The following BIN1 variants were observed in gnomAD, a reference collection of about 807,000 sequenced individuals.
The protein encoded by BIN1 is bridging integrator 1.
BIN1 carries 53 observed loss-of-function variants against 82.0 expected under a neutral mutation model. The ratio of observed to expected loss-of-function variants is 0.65; its 90% CI spans 0.52 to 0.81. BIN1 has a LOEUF of 0.81. Among genes scored for constraint, BIN1 ranks in the 40% least tolerant of loss-of-function variants. The pLI is 0.00. For missense variants in BIN1, 642 were observed against 784.4 expected, an observed-to-expected ratio of 0.82 and a Z score of 2.17; for synonymous variants, 302 against 328.0, an observed-to-expected ratio of 0.92 and a Z score of 0.86.
In BIN1 at chr2:127,093,675, G is replaced by T. The variant is rs975451889; in HGVS notation, c.84+13185C>A. Among the ~76,000 whole-genome samples the T allele has an allele frequency of 6.6e-6, 1 of 152,172 alleles. No homozygotes were observed. Among genetic ancestry groups the T allele is most frequent in the East Asian group, 1.9e-4 (1 of 5,192 alleles). On this transcript the variant is annotated intron_variant, in intron 1 of 18. Coordinates refer to ENST00000316724, the MANE Select transcript of BIN1 (RefSeq NM_139343.3). This position sits in a 1 kb window ranked among gnomAD's most constrained non-coding sequence, Gnocchi z 5.7. ...GGTCCTTGCATCTTCATCGTTGAAG[G>T]CTCCCGTGTCATGTAAAACATTGAT...
chr2:127,050,100 G>A (rs777274076), intron 18 of BIN1, among the ~76,000 whole-genome samples: 4 of 152,220 alleles, frequency 2.6e-5, no homozygotes, highest in African/African-American at 4.8e-5. Flanking sequence ...CAGGAGAGGA[G>A]AAGGGGAGAG....
Position 127,090,409 on chromosome 2 carries a change from C to T in BIN1, c.85-13703G>A, listed in dbSNP as rs1351711268. On this transcript the variant is annotated intron_variant, in intron 1 of 18. Coordinates refer to ENST00000316724, the MANE Select transcript of BIN1 (RefSeq NM_139343.3). This position sits in a 1 kb window ranked among gnomAD's most constrained non-coding sequence, Gnocchi z 6.4. ...GCATCAGTGACACAGGGCGACCCTC[C>T]ACCACTTCAGTTGTGCTGGGTGGGG... is the stretch of plus-strand genomic sequence containing the variant. 5.9e-5 allele frequency among the ~76,000 whole-genome samples: 9 copies of T among 152,238 alleles called. No individual in the cohort carries two copies. Among genetic ancestry groups the T allele is most frequent in the Admixed American group, 2.6e-4 (4 of 15,286 alleles).
chr2:127,086,652 C>T (rs970923658), intron 1 of BIN1, among the ~76,000 whole-genome samples: 1 of 152,078 alleles, frequency 6.6e-6, no homozygotes, highest in Non-Finnish European at 1.5e-5. Flanking sequence ...GGACTACAGG[C>T]GCACGTCACC....
At chr2:127,052,774 C>G (rs1683132117) in intron 14 of BIN1, 2 of 277,956 alleles carry the variant, frequency 7.2e-6, no homozygotes, top group Non-Finnish European at 1.4e-5. Context: ...ATCAGGGGGT[C>G]TCAGGGACAG....
At position 127,068,068 on chromosome 2, in the gene BIN1, G is replaced by T; in HGVS notation, c.612+95C>A. Reference sequence around the variant, plus strand: ...CTTTGAAAAACCCTGCCCCAGCTGGGCTCAGATGCCAGCCCTGCATTCCAC... The same window carrying T: ...CTTTGAAAAACCCTGCCCCAGCTGGTCTCAGATGCCAGCCCTGCATTCCAC... On this transcript the variant is annotated intron_variant, in intron 7 of 18. Coordinates refer to ENST00000316724, the MANE Select transcript of BIN1 (RefSeq NM_139343.3). This position sits in a 1 kb window ranked among gnomAD's most constrained non-coding sequence, Gnocchi z 4.9. The T allele has an allele frequency of 7.7e-7, 1 of 1,296,710 alleles. No homozygotes were observed. The allele number at this position is 1,296,710 out of a possible 1,614,324, so 80.3% of individuals were successfully genotyped here. A position where few individuals can be genotyped will look rare whatever the true frequency, so the allele number is the denominator to read the frequency against.
chr2:127,074,009 G>T (rs1686263453), intron 2 of BIN1, among the ~76,000 whole-genome samples: 1 of 143,126 alleles, frequency 7.0e-6, no homozygotes, highest in East Asian at 2.1e-4. Context: ...GTGACAGCAG[G>T]CTGATCTACA....
intron 2 of BIN1, 72 bp from the exon 3 acceptor site, chr2:127,070,888 C>A: frequency 6.8e-7 from 1 of 1,477,526 alleles, no homozygotes; most frequent in Non-Finnish European, 9.3e-7. Flanking sequence ...TCCTTCCTGC[C>A]ACCCTCACGT....
chr2:127,101,354 T>C (rs1389661237), intron 1 of BIN1, among the ~76,000 whole-genome samples: 2 of 152,094 alleles, frequency 1.3e-5, no homozygotes, highest in Non-Finnish European at 1.5e-5. Context: ...CCCACCTGAC[T>C]CTCTCCACCC....
intron 16 of BIN1, 57 bp downstream of exon 16, chr2:127,051,096 CG>C (rs1682882488): frequency 1.2e-6 from 2 of 1,603,434 alleles, no homozygotes; most frequent in East Asian, 4.5e-5. Context: ...AGGGGAGCCC[CG>C]GACAGGCAGG....
At chr2:127,058,944 G>A (rs1445844545) in intron 11 of BIN1, 67 bp downstream of exon 11, 4 of 1,543,388 alleles carry the variant, frequency 2.6e-6, no homozygotes, top group African/African-American at 1.4e-5. Flanking sequence ...GGAGGATGGA[G>A]GACAACAGCA....
Position 127,048,397 on chromosome 2 carries a change from T to TG in BIN1, c.*128dup. ...ATCTTTGGGAGAACGCCCCTCTGCCTGGGGGTCTCCTCTTGATTTCCCTTT... is the reference window on the plus strand; with the variant it reads ...ATCTTTGGGAGAACGCCCCTCTGCCTGGGGGGTCTCCTCTTGATTTCCCTTT... On this transcript the variant is annotated 3_prime_UTR_variant, in exon 19 of 19. Coordinates refer to ENST00000316724, the MANE Select transcript of BIN1 (RefSeq NM_139343.3). 5.6e-6 allele frequency: 5 copies of TG among 886,290 alleles called. No individual in the cohort carries two copies. Among genetic ancestry groups the TG allele is most frequent in the Non-Finnish European group, 9.0e-6 (5 of 556,492 alleles). 54.9% of individuals were successfully genotyped at this position (886,290 alleles called of 1,614,324 possible). A position where few individuals can be genotyped will look rare whatever the true frequency, so the allele number is the denominator to read the frequency against.
intron 2 of BIN1, among the ~76,000 whole-genome samples, chr2:127,072,238 C>T (rs772522207): frequency 6.6e-6 from 1 of 152,234 alleles, no homozygotes; most frequent in Non-Finnish European, 1.5e-5. Flanking sequence ...CACAGGCTCA[C>T]CCCCAGCACC....
chr2:127,052,905 G>A (rs892395906), intron 14 of BIN1: 9 of 253,568 alleles, frequency 3.5e-5, no homozygotes, highest in African/African-American at 8.8e-5. Context: ...TGCTGTGTGA[G>A]ATGGCCTTGC....
chr2:127,082,200 TC>T lies in BIN1; in HGVS notation c.85-5495del, dbSNP rs1687387724. ...CTCGCTCACTGACTCCCGGGGGCTGTCCCTCTGTCAATCTTTCCTTGCCCCT... is the reference window on the plus strand; with the variant it reads ...CTCGCTCACTGACTCCCGGGGGCTGTCCTCTGTCAATCTTTCCTTGCCCCT... On this transcript the variant is annotated intron_variant, in intron 1 of 18. Transcript: ENST00000316724. The surrounding 1 kb of genome is among the most constrained non-coding windows in gnomAD (Gnocchi z 6.1). Among the ~76,000 whole-genome samples, 1 of 151,642 alleles carries T rather than the reference TC, an allele frequency of 6.6e-6. No individual in the cohort carries two copies.
intron 1 of BIN1, among the ~76,000 whole-genome samples, chr2:127,097,748 G>C (rs1679784933): frequency 6.6e-6 from 1 of 152,144 alleles, no homozygotes; most frequent in Non-Finnish European, 1.5e-5. Flanking sequence ...GGCAACACGT[G>C]GGGAGGGAAG....
chr2:127,069,144 G>A, intron 5 of BIN1, 113 bp from the exon 6 acceptor site: 1 of 954,368 alleles, frequency 1.0e-6, no homozygotes, highest in South Asian at 1.4e-5. Flanking sequence ...AGCTCCACAG[G>A]AACCCTTGAG....
At chr2:127,076,360 T>A (rs1184672913) in intron 2 of BIN1, among the ~76,000 whole-genome samples, 1 of 151,558 alleles carries the variant, frequency 6.6e-6, no homozygotes, top group Admixed American at 6.6e-5. Flanking sequence ...TATTGCCTGC[T>A]CCTATCCCAC....
intron 14 of BIN1, chr2:127,052,831 T>C (rs906221023): frequency 8.0e-6 from 2 of 249,618 alleles, no homozygotes; most frequent in African/African-American, 4.4e-5. Context: ...TGACCAGTTC[T>C]TGGGCAAGTA....
chr2:127,049,650 G>A (rs1682622961), intron 18 of BIN1, among the ~76,000 whole-genome samples: 1 of 152,210 alleles, frequency 6.6e-6, no homozygotes, highest in East Asian at 1.9e-4. Context: ...CTGAGCCGTG[G>A]AGGAAGCCAG....
Sources: gnomAD v4.1 joint callset for allele counts (sites outside exome capture counted in the v4.1 genomes callset) on GRCh38, gnomAD v4.1.1 for gene constraint, Gnocchi (gnomAD v3.1) non-coding constraint, MANE v1.5 for transcripts, NCBI Gene and HGNC (gene_info 2026-07-23, HGNC 2026-07-21) for gene names.